CNTN4: variants seen among roughly 807,000 people sequenced by gnomAD.
CNTN4 encodes contactin 4, also known as contactin-4.
CNTN4 carries 77 observed loss-of-function variants against 122.5 expected under a neutral mutation model. That is an observed-to-expected ratio of 0.63 (90% confidence interval 0.52 to 0.76). CNTN4 has a LOEUF of 0.76. Ranked by LOEUF, CNTN4 falls within the 30% of genes least tolerant of loss-of-function variation. The pLI, the probability that CNTN4 is intolerant of heterozygous loss-of-function variation, is 0.00. For missense variants in CNTN4, 1,256 were observed against 1,259.1 expected (o/e 1.00, Z 0.04); for synonymous variants, 512 against 447.0 (o/e 1.15, Z -1.83).
At chr3:2,465,149 TG>T (rs2075450703) in intron 3 of CNTN4, among the ~76,000 whole-genome samples, 1 of 152,206 alleles carries the variant, frequency 6.6e-6, no homozygotes, top group African/African-American at 2.4e-5. Context: ...ATATATTCTA[TG>T]TATACTACAA....
At position 2,672,456 on chromosome 3, in the gene CNTN4, G is replaced by A. The variant is rs149158332; in HGVS notation, c.56-63759G>A. On this transcript the variant is annotated intron_variant, in intron 4 of 24. Coordinates refer to ENST00000418658, the MANE Select transcript of CNTN4 (RefSeq NM_175607.3). ...TCCTGGTTTGCTGTTTTCTAAGACC[G>A]TCAGAAAAGTGCAGTATTAGGGTGG... Among the ~76,000 whole-genome samples the A allele has an allele frequency of 3.6e-3, 543 of 152,310 alleles. 1 individual carries two copies. Among genetic ancestry groups the A allele is most frequent in the Non-Finnish European group, 5.5e-3 (373 of 68,020 alleles).
intron 2 of CNTN4, among the ~76,000 whole-genome samples, chr3:2,129,083 C>T (rs887403316): frequency 6.6e-5 from 10 of 151,890 alleles, no homozygotes; most frequent in Non-Finnish European, 1.5e-4. Flanking sequence ...TATATTAACA[C>T]GTTAAAGGCC....
intron 20 of CNTN4, 29 bp from the exon 21 acceptor site, chr3:3,042,281 G>A: frequency 7.0e-7 from 1 of 1,426,330 alleles, no homozygotes; most frequent in Non-Finnish European, 9.9e-7. Context: ...AGCTGATAGA[G>A]TAATAACTAT....
chr3:2,772,690 G>GGAGAGGA (rs2091156281), intron 6 of CNTN4, among the ~76,000 whole-genome samples: 1 of 152,188 alleles, frequency 6.6e-6, no homozygotes, highest in East Asian at 1.9e-4. Flanking sequence ...CACCTTATCT[G>GGAGAGGA]TAGGATACTC....
chr3:2,743,921 C>A (rs1364594963), intron 5 of CNTN4, among the ~76,000 whole-genome samples: 2 of 152,136 alleles, frequency 1.3e-5, no homozygotes, highest in Non-Finnish European at 2.9e-5. Context: ...AGTGGTCCTC[C>A]CACCTCAGCC....
chr3:2,792,877 T>C (rs1446283508), intron 6 of CNTN4, among the ~76,000 whole-genome samples: 1 of 152,210 alleles, frequency 6.6e-6, no homozygotes, highest in Non-Finnish European at 1.5e-5. Context: ...ATACACATTC[T>C]CAAATACCAG....
At chr3:2,180,474 A>G (rs996099885) in intron 2 of CNTN4, among the ~76,000 whole-genome samples, 1 of 152,006 alleles carries the variant, frequency 6.6e-6, no homozygotes, top group African/African-American at 2.4e-5. Context: ...AGAAACACAT[A>G]TTTTGGGTCC....
chr3:2,303,423 C>A (rs2042596352), intron 2 of CNTN4, among the ~76,000 whole-genome samples: 1 of 152,112 alleles, frequency 6.6e-6, no homozygotes, highest in Non-Finnish European at 1.5e-5. Flanking sequence ...TCTGTCCCGA[C>A]ATTTCATTAA....
chr3:2,866,561 A>G, intron 7 of CNTN4, 191 bp from the exon 8 acceptor site: 1 of 1,227,848 alleles, frequency 8.1e-7, no homozygotes, highest in Non-Finnish European at 1.1e-6. Context: ...ATAAAACCTT[A>G]TTGACTGATA....
intron 2 of CNTN4, among the ~76,000 whole-genome samples, chr3:2,317,668 AT>A (rs1559447690): frequency 6.6e-6 from 1 of 152,110 alleles, no homozygotes; most frequent in African/African-American, 2.4e-5. Flanking sequence ...TAATCTGTCA[AT>A]TTTTCTCACA....
At chr3:2,294,217 GAAAC>G (rs1399350399) in intron 2 of CNTN4, among the ~76,000 whole-genome samples, 1 of 151,068 alleles carries the variant, frequency 6.6e-6, no homozygotes, top group Non-Finnish European at 1.5e-5. Context: ...AGGGACCTGA[GAAAC>G]AGACAAAACC....
At chr3:2,617,872 C>A (rs761196409) in intron 4 of CNTN4, among the ~76,000 whole-genome samples, 1 of 152,110 alleles carries the variant, frequency 6.6e-6, no homozygotes, top group Non-Finnish European at 1.5e-5. Context: ...AATGGGCAAA[C>A]ACTTGTATTT....
chr3:2,815,574 C>CA (rs1397008572), intron 6 of CNTN4, among the ~76,000 whole-genome samples: 2 of 152,010 alleles, frequency 1.3e-5, no homozygotes, highest in Non-Finnish European at 2.9e-5. Flanking sequence ...TGGCCATAAT[C>CA]AAAAAACAGT....
chr3:2,686,647 GTGTGTGTC>G (rs2085445096), intron 4 of CNTN4, among the ~76,000 whole-genome samples: 1 of 152,136 alleles, frequency 6.6e-6, no homozygotes, highest in South Asian at 2.1e-4. Flanking sequence ...TACTATTTGT[GTGTGTGTC>G]TGTGTGTCTG....
At chr3:2,321,622 T>C (rs2150213589) in intron 2 of CNTN4, among the ~76,000 whole-genome samples, 1 of 152,220 alleles carries the variant, frequency 6.6e-6, no homozygotes, top group Non-Finnish European at 1.5e-5. Flanking sequence ...TATTCTCTTT[T>C]CATACTTAGT....
chr3:2,781,344 T>C (rs2091559622), intron 6 of CNTN4, among the ~76,000 whole-genome samples: 1 of 152,196 alleles, frequency 6.6e-6, no homozygotes, highest in Admixed American at 6.5e-5. Context: ...TGCAAAGTTT[T>C]TAAAAAATGG....
intron 3 of CNTN4, among the ~76,000 whole-genome samples, chr3:2,425,456 CT>C (rs2047788003): frequency 6.6e-6 from 1 of 152,152 alleles, no homozygotes; most frequent in Non-Finnish European, 1.5e-5. Context: ...CAGTACCATG[CT>C]GTTTTGGTTA....
intron 2 of CNTN4, among the ~76,000 whole-genome samples, chr3:2,176,439 A>G (rs2036751242): frequency 6.6e-6 from 1 of 152,128 alleles, no homozygotes; most frequent in African/African-American, 2.4e-5. Flanking sequence ...ATATATTATT[A>G]TGTATATTAG....
At chr3:2,916,197 CTTTTT>C (rs1287301205) in intron 12 of CNTN4, among the ~76,000 whole-genome samples, 1 of 151,154 alleles carries the variant, frequency 6.6e-6, no homozygotes, top group African/African-American at 2.4e-5. Context: ...TTTTCTTTTT[CTTTTT>C]TTCAATTTTT....
Sources: allele counts gnomAD v4.1 joint callset (sites outside exome capture counted in the v4.1 genomes callset), GRCh38; gene constraint gnomAD v4.1.1; transcripts MANE v1.5; gene names NCBI Gene and HGNC (gene_info 2026-07-23, HGNC 2026-07-21).